DOCK4: variants seen among roughly 807,000 people sequenced by gnomAD.
DOCK4 encodes the protein dedicator of cytokinesis protein 4.
Under a neutral mutation model 268.1 loss-of-function variants are expected in DOCK4, and 97 were observed. The ratio of observed to expected loss-of-function variants is 0.36; its 90% confidence interval spans 0.31 to 0.43. The LOEUF (loss-of-function observed/expected upper bound fraction) is 0.43. Among genes scored for constraint, DOCK4 ranks in the 20% least tolerant of loss-of-function variants. DOCK4 has a pLI of 1.00. For synonymous variants in DOCK4, 954 were observed against 887.2 expected, an observed-to-expected ratio of 1.08 and a Z score of -1.34; for missense variants, 2,145 against 2,455.7, an observed-to-expected ratio of 0.87 and a Z score of 2.67.
At chr7:112,165,559 T>TGTGCGCGC (rs59052406) in intron 1 of DOCK4, among the ~76,000 whole-genome samples, 30 of 148,254 alleles carry the variant, frequency 2.0e-4, no homozygotes, top group Non-Finnish European at 3.9e-4. Flanking sequence ...TGTGTGTGTG[T>TGTGCGCGC]GCGTGTGTGT....
chr7:111,779,686 C>G (rs1798674664), intron 35 of DOCK4, among the ~76,000 whole-genome samples: 1 of 152,170 alleles, frequency 6.6e-6, no homozygotes, highest in Admixed American at 6.5e-5. Context: ...AGGCATGAGC[C>G]ACTGATCCTG....
chr7:112,152,885 C>T (rs1428734201), intron 1 of DOCK4, among the ~76,000 whole-genome samples: 1 of 152,100 alleles, frequency 6.6e-6, no homozygotes, highest in Admixed American at 6.6e-5. Flanking sequence ...AACATTTCTT[C>T]AAACTAAGAG....
Position 111,727,575 on chromosome 7 carries a change from C to G in DOCK4, c.*699G>C, listed in dbSNP as rs976422842. Reference sequence around the variant, plus strand: ...TTGCTTAATCTAGCTGATTGGAACTCTGAAGCAAATTGCACCTTGAAAAGA... The same window carrying G: ...TTGCTTAATCTAGCTGATTGGAACTGTGAAGCAAATTGCACCTTGAAAAGA... On this transcript the variant is annotated 3_prime_UTR_variant, in exon 53 of 53. Transcript: ENST00000428084. The G allele has an allele frequency of 1.3e-5, 2 of 152,598 alleles. No homozygotes were observed. Among genetic ancestry groups the G allele is most frequent in the African/African-American group, 4.8e-5 (2 of 41,442 alleles). The allele number at this position is 152,598 out of a possible 1,614,324, so 9.5% of individuals were successfully genotyped here.
intron 1 of DOCK4, among the ~76,000 whole-genome samples, chr7:112,045,274 G>A (rs1168605587): frequency 6.6e-6 from 1 of 152,040 alleles, no homozygotes; most frequent in Non-Finnish European, 1.5e-5. Context: ...ATTTCTTTAA[G>A]GTCTTGGCTC....
At chr7:112,150,265 T>G (rs1156542161) in intron 1 of DOCK4, among the ~76,000 whole-genome samples, 3 of 152,164 alleles carry the variant, frequency 2.0e-5, no homozygotes. Context: ...CTGGTAAATG[T>G]ATACTGTCTT....
chr7:112,121,420 T>A (rs1023725307), intron 1 of DOCK4, among the ~76,000 whole-genome samples: 1 of 152,194 alleles, frequency 6.6e-6, no homozygotes. Flanking sequence ...TCCATCTCCA[T>A]CAACAAAACG....
intron 1 of DOCK4, among the ~76,000 whole-genome samples, chr7:112,121,742 G>A (rs995607731): frequency 2.6e-5 from 4 of 152,166 alleles, no homozygotes; most frequent in Non-Finnish European, 4.4e-5. Flanking sequence ...GATATTCAGG[G>A]TCTATGAAAT....
chr7:112,203,476 T>A (rs1004138886), intron 1 of DOCK4, among the ~76,000 whole-genome samples: 7 of 152,174 alleles, frequency 4.6e-5, no homozygotes, highest in Non-Finnish European at 7.3e-5. Context: ...GTATGCTGCT[T>A]AAAATTTAAT....
chr7:111,986,523 G>A (rs952870293), intron 6 of DOCK4, among the ~76,000 whole-genome samples: 3 of 152,170 alleles, frequency 2.0e-5, no homozygotes, highest in African/African-American at 7.2e-5. Context: ...CAAAGAATAA[G>A]GAGAAATGAG....
At chr7:112,105,671 A>C (rs916878753) in intron 1 of DOCK4, among the ~76,000 whole-genome samples, 48 of 127,678 alleles carry the variant, frequency 3.8e-4, no homozygotes, top group African/African-American at 5.4e-4. Flanking sequence ...TCGTCATTCC[A>C]CTTCCTCCTC....
At chr7:112,031,406 A>T (rs1803257926) in intron 1 of DOCK4, among the ~76,000 whole-genome samples, 1 of 152,044 alleles carries the variant, frequency 6.6e-6, no homozygotes, top group Non-Finnish European at 1.5e-5. Context: ...TCTTATCTTC[A>T]CAGTTTTCTT....
Position 111,989,095 on chromosome 7 carries a change from C to T in DOCK4, c.384G>A (p.Gln128=). ...CGTGGGTGAGGTGGCCCACCAGCAC[C>T]TGCCGCCTCAGGTCCAGGATTTCAT... The part of the protein sequence containing the change: ...IMNEILDLRR[Q]VLVGHLTHDR... Residue 128 remains glutamine, a synonymous_variant, in exon 6 of 53, where the codon CAG becomes CAA. Coordinates refer to ENST00000428084, the MANE Select transcript of DOCK4 (RefSeq NM_001363540.2). 1 of 1,614,070 alleles carries T rather than the reference C, an allele frequency of 6.2e-7. No homozygotes were observed. The highest frequency in any genetic ancestry group is 8.5e-7 in the Non-Finnish European group (1 of 1,179,906).
chr7:111,756,754 C>A (rs1166262762), intron 41 of DOCK4, among the ~76,000 whole-genome samples: 50 of 148,810 alleles, frequency 3.4e-4, no homozygotes, highest in African/African-American at 1.0e-3. Flanking sequence ...ACTCAAACCA[C>A]AACAAAAAAA....
At chr7:111,772,359 T>C (rs911695683) in intron 36 of DOCK4, among the ~76,000 whole-genome samples, 38 of 151,584 alleles carry the variant, frequency 2.5e-4, no homozygotes, top group African/African-American at 8.7e-4. Flanking sequence ...GGTGATAGAG[T>C]GAGACCCCCA....
At chr7:111,784,755 T>A (rs1180495242) in intron 32 of DOCK4, among the ~76,000 whole-genome samples, 1 of 152,212 alleles carries the variant, frequency 6.6e-6, no homozygotes, top group Non-Finnish European at 1.5e-5. Flanking sequence ...ACAGTGTACT[T>A]GGCAAAGGCT....
chr7:111,852,719 A>C (rs1435250429), intron 23 of DOCK4, among the ~76,000 whole-genome samples: 2 of 152,222 alleles, frequency 1.3e-5, no homozygotes, highest in Non-Finnish European at 2.9e-5. Flanking sequence ...TATACAAAGA[A>C]ATACATAACA....
chr7:112,139,196 G>A (rs905970750), intron 1 of DOCK4, among the ~76,000 whole-genome samples: 1 of 152,060 alleles, frequency 6.6e-6, no homozygotes, highest in Non-Finnish European at 1.5e-5. Context: ...TTAAGAACCA[G>A]GGCCTCTCAG....
intron 26 of DOCK4, among the ~76,000 whole-genome samples, chr7:111,834,034 G>A (rs572699454): frequency 6.6e-6 from 1 of 152,318 alleles, no homozygotes; most frequent in South Asian, 2.1e-4. Flanking sequence ...TTACAGTTCT[G>A]TGAATCTCAG....
intron 12 of DOCK4, among the ~76,000 whole-genome samples, chr7:111,923,869 A>G (rs1244494394): frequency 1.3e-5 from 2 of 152,192 alleles, no homozygotes; most frequent in African/African-American, 4.8e-5. Context: ...TTCGTTTTCC[A>G]ACTATGCTCG....
Sources: gnomAD v4.1 joint callset for allele counts (sites outside exome capture counted in the v4.1 genomes callset) on GRCh38, gnomAD v4.1.1 for gene constraint, MANE v1.5 for transcripts, NCBI Gene and HGNC (gene_info 2026-07-23, HGNC 2026-07-21) for gene names.